CDK12: variants seen among roughly 807,000 people sequenced by gnomAD.
CDK12 encodes the protein cyclin-dependent kinase 12.
Under a neutral mutation model 133.8 loss-of-function variants are expected in CDK12, and 17 were observed. The observed-to-expected ratio is 0.13, with a 90% confidence interval of 0.09 to 0.19. CDK12 has a LOEUF of 0.19. Among genes scored for constraint, CDK12 ranks in the 10% least tolerant of loss-of-function variants. The pLI, the probability that CDK12 is intolerant of heterozygous loss-of-function variation, is 1.00. For synonymous variants in CDK12, 694 were observed against 683.6 expected (o/e 1.02, Z -0.24); for missense variants, 1,508 against 1,818.7 (o/e 0.83, Z 3.11).
chr17:39,473,379 T>C (rs2049947347), intron 2 of CDK12, among the ~76,000 whole-genome samples: 1 of 152,130 alleles, frequency 6.6e-6, no homozygotes, highest in African/African-American at 2.4e-5. Flanking sequence ...TTTTAATGAG[T>C]CCTCTGTATA....
intron 3 of CDK12, among the ~76,000 whole-genome samples, chr17:39,562,871 C>G (rs1329196798): frequency 7.3e-6 from 1 of 136,704 alleles, no homozygotes; most frequent in East Asian, 2.1e-4. Context: ...TTCTCTGTCT[C>G]TCTCTTCTCC....
chr17:39,504,769 C>G (rs990565226), intron 6 of CDK12, among the ~76,000 whole-genome samples: 3 of 146,056 alleles, frequency 2.1e-5, no homozygotes, highest in African/African-American at 7.6e-5. Context: ...ATCCCAGCCA[C>G]GTGGGAGGCC....
rs1215091040 is a variant in CDK12, at chr17:39,530,919, G to C, written c.4076G>C (p.Gly1359Ala). Residue 1359 changes from glycine (G) to alanine (A), a missense_variant, in exon 14 of 14, where the codon GGT (glycine) becomes GCT (alanine). By Grantham distance (60) the Gly-to-Ala change is moderately conservative. Transcript: ENST00000447079. ...SAIDTDERNS[G>A]PALTESLVQT... ...ATTGACACTGATGAACGAAACTCTG[G>C]TCCAGCCTTGACAGAATCCTTGGTC... 1 of 1,614,208 alleles carries C rather than the reference G, an allele frequency of 6.2e-7. No individual in the cohort carries two copies. The highest frequency in any genetic ancestry group is 8.5e-7 in the Non-Finnish European group (1 of 1,180,044).
At chr17:39,510,840 C>T (rs557322793) in intron 7 of CDK12, among the ~76,000 whole-genome samples, 181 of 150,540 alleles carry the variant, frequency 1.2e-3, no homozygotes, top group Non-Finnish European at 2.1e-3. Context: ...CTCGAACTCC[C>T]GACCTTAGGT....
chr17:39,564,494 A>G (rs545469776), intron 3 of CDK12, among the ~76,000 whole-genome samples: 5 of 152,244 alleles, frequency 3.3e-5, no homozygotes, highest in African/African-American at 9.6e-5. Flanking sequence ...GTCTTGGAGG[A>G]CAAACCAACC....
At chr17:39,492,195 C>T (rs557593047) in intron 3 of CDK12, among the ~76,000 whole-genome samples, 1 of 148,868 alleles carries the variant, frequency 6.7e-6, no homozygotes, top group Non-Finnish European at 1.5e-5. Flanking sequence ...CTCCTGGGTT[C>T]AAGTGATTCT....
At position 39,531,068 on chromosome 17, in the gene CDK12, C is replaced by A; in HGVS notation, c.4225C>A (p.Pro1409Thr). ...CCAGGACCTCCGTTTTGCCAGGGTC[C>A]CCTTAGCGTTACACCCGGTGGTCGG... ...GDQDLRFARV[P>T]LALHPVVGQP... The change falls in exon 14 of 14, where the codon CCC becomes ACC. Residue 1409 changes from proline to threonine, a missense_variant. By Grantham distance (38) the Pro-to-Thr change is conservative (BLOSUM62 -1). Transcript: ENST00000447079. 6.2e-7 allele frequency: 1 copy of A among 1,610,130 alleles called. No individual in the cohort carries two copies. Among genetic ancestry groups the A allele is most frequent in the Non-Finnish European group, 8.5e-7 (1 of 1,178,412 alleles).
At chr17:39,476,419 T>G (rs1385575805) in intron 2 of CDK12, among the ~76,000 whole-genome samples, 3 of 151,804 alleles carry the variant, frequency 2.0e-5, no homozygotes, top group Admixed American at 6.6e-5. Context: ...TATTTATTAT[T>G]TTATTTATTT....
At chr17:39,495,425 A>C (rs2052018769) in intron 5 of CDK12, among the ~76,000 whole-genome samples, 1 of 146,092 alleles carries the variant, frequency 6.8e-6, no homozygotes, top group Non-Finnish European at 1.5e-5. Context: ...TTATAAAATA[A>C]TAAGTGAATG....
rs781098757 is a variant in CDK12 at position 39,530,725 on chromosome 17, C to T, written c.3882C>T (p.Asn1294=). Residue 1294 remains asparagine, a synonymous_variant, in exon 14 of 14, where the codon AAC becomes AAT. Coordinates refer to ENST00000447079, the MANE Select transcript of CDK12 (RefSeq NM_016507.4). The part of the protein sequence containing the change: ...GDLSSAPQEL[N]PAVTAALLQL... ...TTTCCAGCGCCCCCCAGGAGTTGAA[C>T]CCAGCCGTGACAGCCGCCTTGCTGC... 25 of 1,613,658 alleles carry T rather than the reference C, an allele frequency of 1.5e-5. No homozygotes were observed. The highest frequency in any genetic ancestry group is 2.1e-5 in the Non-Finnish European group (25 of 1,179,882).
At chr17:39,528,713 A>C (rs1187777354) in intron 13 of CDK12, among the ~76,000 whole-genome samples, 1 of 152,254 alleles carries the variant, frequency 6.6e-6, no homozygotes, top group Non-Finnish European at 1.5e-5. Flanking sequence ...TTGAAACATA[A>C]TTAGGCTATT....
At position 39,476,711 on chromosome 17, in the gene CDK12, C is replaced by CTTTTTTTTTTTTTTTTTTT. The variant is rs879840168; in HGVS notation, c.1931+4959_1931+4977dup. Among the ~76,000 whole-genome samples, 39 of 84,520 alleles carry CTTTTTTTTTTTTTTTTTTT rather than the reference C, an allele frequency of 4.6e-4. 6 individuals carry two copies. The highest frequency in any genetic ancestry group is 1.0e-3 in the African/African-American group (18 of 17,566). 55.4% of individuals were successfully genotyped at this position (84,520 alleles called of 152,430 possible). ...TACAGGCATGAGCCACCATGCCTGC[C>CTTTTTTTTTTTTTTTTTTT]TTTTTTTTTTTTTTTTTTTTTTTTT... On this transcript the variant is annotated intron_variant, in intron 2 of 13. Transcript: ENST00000447079.
intron 13 of CDK12, among the ~76,000 whole-genome samples, chr17:39,527,802 C>G (rs942013255): frequency 1.3e-5 from 2 of 152,222 alleles, no homozygotes; most frequent in Admixed American, 1.3e-4. Context: ...CCGCCTCAGC[C>G]TCCCATAGTG....
chr17:39,529,636 C>T (rs1448901756), intron 13 of CDK12, among the ~76,000 whole-genome samples: 3 of 152,092 alleles, frequency 2.0e-5, no homozygotes, highest in African/African-American at 7.2e-5. Flanking sequence ...CCTCTCCTGC[C>T]TTGGCAGGAG....
At chr17:39,480,952 C>T (rs1370209154) in intron 2 of CDK12, among the ~76,000 whole-genome samples, 2 of 152,080 alleles carry the variant, frequency 1.3e-5, no homozygotes, top group Non-Finnish European at 2.9e-5. Context: ...GTATACTTTT[C>T]TTAGAAATTT....
chr17:39,545,671 G>A (rs1467828937), upstream of CDK12, among the ~76,000 whole-genome samples: 1 of 132,100 alleles, frequency 7.6e-6, no homozygotes, highest in Non-Finnish European at 1.6e-5. Flanking sequence ...GCTAATTTTT[G>A]GTATTTTTAG....
chr17:39,478,178 T>C (rs1013895803), intron 2 of CDK12, among the ~76,000 whole-genome samples: 4 of 146,450 alleles, frequency 2.7e-5, no homozygotes, highest in Admixed American at 1.4e-4. Flanking sequence ...ATTACATGTG[T>C]GAGCCACTGA....
chr17:39,550,587 A>G (rs1028057543), intron 1 of CDK12: 38 of 152,254 alleles, frequency 2.5e-4, no homozygotes, highest in African/African-American at 8.2e-4. Context: ...ACCAGAGACT[A>G]TGGAGAGACG....
chr17:39,551,688 T>C (rs1283092451), intron 2 of CDK12, among the ~76,000 whole-genome samples: 3 of 152,214 alleles, frequency 2.0e-5, no homozygotes, highest in Non-Finnish European at 4.4e-5. Flanking sequence ...GCCATGGCCT[T>C]AGAGCTCTTA....
Sources: gnomAD v4.1 joint callset for allele counts (sites outside exome capture counted in the v4.1 genomes callset) on GRCh38, gnomAD v4.1.1 for gene constraint, MANE v1.5 for transcripts, NCBI Gene and HGNC (gene_info 2026-07-23, HGNC 2026-07-21) for gene names.